The following HS6ST3 variants were observed in gnomAD, a reference collection of about 807,000 sequenced individuals.
HS6ST3 encodes heparan sulfate 6-O-sulfotransferase 3, also known as heparan-sulfate 6-O-sulfotransferase 3.
A neutral mutation model predicts 36.7 loss-of-function variants in HS6ST3; 12 were observed. The observed-to-expected ratio is 0.33, with a 90% CI of 0.21 to 0.53. The LOEUF (loss-of-function observed/expected upper bound fraction) is 0.53, where lower values mean the gene tolerates loss of function less well. HS6ST3 is among the 20% of genes least tolerant of loss of function. The pLI is 0.95. For missense variants in HS6ST3, 584 were observed against 640.9 expected, an observed-to-expected ratio of 0.91 and a Z score of 0.96; for synonymous variants, 240 against 257.5, an observed-to-expected ratio of 0.93 and a Z score of 0.65.
intron 1 of HS6ST3, among the ~76,000 whole-genome samples, chr13:96,451,976 G>A (rs958915759): frequency 6.6e-6 from 1 of 152,040 alleles, no homozygotes; most frequent in African/African-American, 2.4e-5. Context: ...TTATGTGATC[G>A]TTTTTACCTC....
chr13:96,223,568 A>C (rs977823594), intron 1 of HS6ST3, among the ~76,000 whole-genome samples: 6 of 152,024 alleles, frequency 3.9e-5, no homozygotes, highest in African/African-American at 7.2e-5. Flanking sequence ...TCACGGATGG[A>C]CCAGAGCAAT....
At chr13:96,771,722 C>A (rs542238589) in intron 1 of HS6ST3, among the ~76,000 whole-genome samples, 1 of 152,306 alleles carries the variant, frequency 6.6e-6, no homozygotes, top group East Asian at 1.9e-4. Flanking sequence ...GCAGTTAGAG[C>A]AGATCCTGAC....
chr13:96,579,758 T>C (rs1234045930), intron 1 of HS6ST3, among the ~76,000 whole-genome samples: 1 of 152,170 alleles, frequency 6.6e-6, no homozygotes, highest in African/African-American at 2.4e-5. Context: ...CATAGACAAA[T>C]TAGGTGACCT....
intron 1 of HS6ST3, among the ~76,000 whole-genome samples, chr13:96,699,499 C>T (rs564402681): frequency 6.6e-6 from 1 of 152,304 alleles, no homozygotes; most frequent in East Asian, 1.9e-4. Context: ...TGAAAAAATG[C>T]TCATCATCAC....
chr13:96,587,609 A>G (rs556063925), intron 1 of HS6ST3, among the ~76,000 whole-genome samples: 5 of 152,204 alleles, frequency 3.3e-5, no homozygotes, highest in Non-Finnish European at 7.3e-5. Flanking sequence ...GATGAGACCA[A>G]ATCCAACAGG....
intron 1 of HS6ST3, among the ~76,000 whole-genome samples, chr13:96,246,713 C>T (rs774394984): frequency 6.6e-6 from 1 of 152,022 alleles, no homozygotes; most frequent in Non-Finnish European, 1.5e-5. Flanking sequence ...AAGGATTTTT[C>T]AAGATGTTTA....
intron 1 of HS6ST3, among the ~76,000 whole-genome samples, chr13:96,193,248 T>C (rs2054297196): frequency 6.6e-6 from 1 of 152,188 alleles, no homozygotes; most frequent in South Asian, 2.1e-4. Context: ...CCACTCATGT[T>C]TTTATTGCTG....
intron 1 of HS6ST3, among the ~76,000 whole-genome samples, chr13:96,501,628 G>T (rs982445595): frequency 6.6e-6 from 1 of 152,214 alleles, no homozygotes; most frequent in African/African-American, 2.4e-5. Flanking sequence ...ACAAAGTTCT[G>T]CCACAGAGCC....
intron 1 of HS6ST3, among the ~76,000 whole-genome samples, chr13:96,134,114 G>GCT (rs1364626528): frequency 6.6e-6 from 1 of 151,836 alleles, no homozygotes; most frequent in East Asian, 1.9e-4. Context: ...TTATTTCTGG[G>GCT]CTCTCTATTC....
intron 1 of HS6ST3, among the ~76,000 whole-genome samples, chr13:96,535,456 G>T (rs1234862947): frequency 6.6e-6 from 1 of 151,660 alleles, no homozygotes; most frequent in African/African-American, 2.4e-5. Flanking sequence ...TACTCAGGAG[G>T]CTGAGGCAGG....
intron 1 of HS6ST3, among the ~76,000 whole-genome samples, chr13:96,474,928 A>C (rs1475065714): frequency 3.9e-5 from 6 of 152,238 alleles, no homozygotes; most frequent in African/African-American, 1.4e-4. Flanking sequence ...TGCTGAGAGG[A>C]GAACTCAAAA....
At chr13:96,461,899 A>G (rs909481348) in intron 1 of HS6ST3, among the ~76,000 whole-genome samples, 9 of 152,224 alleles carry the variant, frequency 5.9e-5, no homozygotes, top group African/African-American at 2.2e-4. Flanking sequence ...TTCTTCATGA[A>G]TGGGGATATG....
intron 1 of HS6ST3, among the ~76,000 whole-genome samples, chr13:96,541,432 A>G (rs2056177355): frequency 6.6e-6 from 1 of 152,160 alleles, no homozygotes; most frequent in Non-Finnish European, 1.5e-5. Context: ...AAAAAACAGT[A>G]TTAGAACCCA....
chr13:96,289,940 G>A (rs1169809760), intron 1 of HS6ST3, among the ~76,000 whole-genome samples: 1 of 152,104 alleles, frequency 6.6e-6, no homozygotes, highest in East Asian at 1.9e-4. Flanking sequence ...CATATAAGAT[G>A]CAGCAAGTCA....
intron 1 of HS6ST3, among the ~76,000 whole-genome samples, chr13:96,135,511 C>T (rs1021136932): frequency 2.6e-5 from 4 of 152,032 alleles, no homozygotes; most frequent in South Asian, 2.1e-4. Flanking sequence ...TTGCTATTGG[C>T]GGTATCCCTA....
At chr13:96,151,688 G>A (rs1011110845) in intron 1 of HS6ST3, among the ~76,000 whole-genome samples, 3 of 152,154 alleles carry the variant, frequency 2.0e-5, no homozygotes, top group South Asian at 2.1e-4. Flanking sequence ...CCAAGGTGTC[G>A]GCAGGGCCAT....
intron 1 of HS6ST3, among the ~76,000 whole-genome samples, chr13:96,237,566 C>G (rs1334268733): frequency 6.6e-6 from 1 of 152,180 alleles, no homozygotes; most frequent in Non-Finnish European, 1.5e-5. Context: ...TAGTTGACCT[C>G]ATATTCCTCC....
chr13:96,542,876 T>G (rs1266532917), intron 1 of HS6ST3, among the ~76,000 whole-genome samples: 2 of 152,194 alleles, frequency 1.3e-5, no homozygotes, highest in Non-Finnish European at 2.9e-5. Context: ...TAGCCAAATG[T>G]GGTAACTGAG....
chr13:96,492,098 AT>A (rs750259907), intron 1 of HS6ST3, among the ~76,000 whole-genome samples: 5 of 152,022 alleles, frequency 3.3e-5, no homozygotes, highest in Non-Finnish European at 5.9e-5. Context: ...TTGCCTGTGG[AT>A]TGATTGTAGG....
Sources: allele counts gnomAD v4.1 joint callset (sites outside exome capture counted in the v4.1 genomes callset), GRCh38; gene constraint gnomAD v4.1.1; transcripts MANE v1.5; gene names NCBI Gene and HGNC (gene_info 2026-07-23, HGNC 2026-07-21).